Variants in UST observed in about 807,000 individuals in gnomAD.
UST encodes chondroitin sulfate 2-O-sulfotransferase.
Under a neutral mutation model 45.6 loss-of-function variants are expected in UST, and 21 were observed. That is an observed-to-expected ratio of 0.46 (90% CI 0.33 to 0.66). The LOEUF is 0.66. Ranked by LOEUF, UST falls within the 30% of genes least tolerant of loss-of-function variation. The probability of loss-of-function intolerance (pLI) is 0.02; values close to 1 mark genes in which losing one functional copy is unlikely to be tolerated. For missense variants in UST, 463 were observed against 512.4 expected, an observed-to-expected ratio of 0.90 and a Z score of 0.93; for synonymous variants, 215 against 200.6, an observed-to-expected ratio of 1.07 and a Z score of -0.61.
intron 7 of UST, among the ~76,000 whole-genome samples, chr6:149,026,636 C>G (rs955078422): frequency 3.3e-5 from 5 of 152,152 alleles, no homozygotes; most frequent in African/African-American, 4.8e-5. Flanking sequence ...CTCTATAAAC[C>G]CTTGACTTGG....
At chr6:148,879,935 T>TTTTTTC (rs1435670352) in intron 1 of UST, among the ~76,000 whole-genome samples, 2 of 108,294 alleles carry the variant, frequency 1.8e-5, no homozygotes, top group African/African-American at 8.1e-5. Flanking sequence ...CTGACTTTTC[T>TTTTTTC]TTTTTCTTTT....
At chr6:148,889,770 G>A (rs936058715) in intron 2 of UST, among the ~76,000 whole-genome samples, 3 of 152,092 alleles carry the variant, frequency 2.0e-5, no homozygotes, top group Non-Finnish European at 4.4e-5. Context: ...TGGCTGGGTT[G>A]TCTGTCCTGC....
chr6:148,858,675 G>A (rs539769823), intron 1 of UST, among the ~76,000 whole-genome samples: 6 of 152,100 alleles, frequency 3.9e-5, no homozygotes, highest in East Asian at 1.9e-4. Context: ...AGGCCCGGGC[G>A]TGTGATGTTC....
At position 148,875,506 on chromosome 6, in the gene UST, A is replaced by C. The variant is rs1778631037; in HGVS notation, c.248-11480A>C. ...TTTGTGAATAATAAATAGAATTATAAAACTAAATATAACTGGCTGGGTGCG... is the reference window on the plus strand; with the variant it reads ...TTTGTGAATAATAAATAGAATTATACAACTAAATATAACTGGCTGGGTGCG... On this transcript the variant is annotated intron_variant, in intron 1 of 7. Transcript: ENST00000367463. 2.0e-5 allele frequency among the ~76,000 whole-genome samples: 3 copies of C among 152,224 alleles called. No individual in the cohort carries two copies. In the South Asian group the frequency reaches 6.2e-4, roughly 31 times the overall value.
intron 1 of UST, among the ~76,000 whole-genome samples, chr6:148,850,328 G>A (rs542910140): frequency 2.6e-5 from 4 of 152,186 alleles, no homozygotes; most frequent in East Asian, 1.9e-4. Context: ...GCTACACCCC[G>A]TCTTGAAGAA....
intron 2 of UST, among the ~76,000 whole-genome samples, chr6:148,899,857 G>A (rs1329341199): frequency 6.6e-6 from 1 of 152,180 alleles, no homozygotes; most frequent in Non-Finnish European, 1.5e-5. Flanking sequence ...CTGTGCAAGA[G>A]AAGGATTTAG....
intron 5 of UST, among the ~76,000 whole-genome samples, chr6:148,995,559 T>C (rs1781438609): frequency 6.6e-6 from 1 of 152,262 alleles, no homozygotes; most frequent in Admixed American, 6.5e-5. Flanking sequence ...TACAGCAGGT[T>C]ATAAAATCTT....
chr6:148,884,682 G>A (rs528876909), intron 1 of UST, among the ~76,000 whole-genome samples: 1 of 152,202 alleles, frequency 6.6e-6, no homozygotes, highest in East Asian at 1.9e-4. Flanking sequence ...TTTAAGCAGA[G>A]GGCTACCATG....
chr6:148,879,589 A>G (rs1778785536), intron 1 of UST, among the ~76,000 whole-genome samples: 1 of 152,188 alleles, frequency 6.6e-6, no homozygotes, highest in Non-Finnish European at 1.5e-5. Context: ...AGGCGAGTAG[A>G]ATGTGCAGAG....
chr6:149,018,966 G>A (rs936332508), intron 5 of UST, among the ~76,000 whole-genome samples, 173 bp from the exon 6 acceptor site: 2 of 152,184 alleles, frequency 1.3e-5, no homozygotes, highest in Non-Finnish European at 2.9e-5. Flanking sequence ...CTGGCCAGTG[G>A]AGCAGGATGC....
chr6:148,903,072 A>G (rs1206580195), intron 2 of UST, among the ~76,000 whole-genome samples: 1 of 152,198 alleles, frequency 6.6e-6, no homozygotes, highest in Non-Finnish European at 1.5e-5. Context: ...CTGAAAAATT[A>G]CTGATATAAT....
At chr6:148,750,829 C>T (rs1775975504) in intron 1 of UST, among the ~76,000 whole-genome samples, 1 of 152,204 alleles carries the variant, frequency 6.6e-6, no homozygotes, top group South Asian at 2.1e-4. Context: ...ACTAGACCCT[C>T]CCTGAGCTGG....
At chr6:149,032,763 C>T (rs1776173946) in intron 7 of UST, among the ~76,000 whole-genome samples, 1 of 152,212 alleles carries the variant, frequency 6.6e-6, no homozygotes, top group Non-Finnish European at 1.5e-5. Context: ...ACCCCAGTTA[C>T]TCAGTGTGGT....
At chr6:149,061,492 CA>C (rs1302741135) in intron 7 of UST, among the ~76,000 whole-genome samples, 1 of 152,232 alleles carries the variant, frequency 6.6e-6, no homozygotes, top group African/African-American at 2.4e-5. Flanking sequence ...CCCAGTCTTG[CA>C]TGCAGACAGG....
At chr6:148,992,333 T>A (rs1274845001) in intron 5 of UST, among the ~76,000 whole-genome samples, 2 of 151,922 alleles carry the variant, frequency 1.3e-5, no homozygotes, top group East Asian at 3.9e-4. Flanking sequence ...TGAAACCCCG[T>A]CTCTACTAAA....
At chr6:149,067,555 G>A (rs1217085138) in intron 7 of UST, among the ~76,000 whole-genome samples, 1 of 152,094 alleles carries the variant, frequency 6.6e-6, no homozygotes, top group South Asian at 2.1e-4. Context: ...CAAACATAGG[G>A]CTGGGCCTCC....
Position 149,044,551 on chromosome 6 carries a change from C to T in UST, c.937+23070C>T, listed in dbSNP as rs144368468. Among the ~76,000 whole-genome samples the T allele has an allele frequency of 8.0e-4, 121 of 152,194 alleles. 1 individual carries two copies. Among genetic ancestry groups the T allele is most frequent in the African/African-American group, 2.8e-3 (118 of 41,528 alleles). On this transcript the variant is annotated intron_variant, in intron 7 of 7. Transcript: ENST00000367463. ...TACATTTTGCTTTTGAGGGGGATGACGGTCGGTGGGAATGTTATTCAGATA... is the reference window on the plus strand; with the variant it reads ...TACATTTTGCTTTTGAGGGGGATGATGGTCGGTGGGAATGTTATTCAGATA...
chr6:148,917,946 G>A (rs528322781), intron 2 of UST, among the ~76,000 whole-genome samples: 18 of 152,226 alleles, frequency 1.2e-4, no homozygotes, highest in Admixed American at 2.0e-4. Flanking sequence ...AAACTCTGTC[G>A]CTCTTGCTTG....
chr6:149,045,345 A>G (rs1776382311), intron 7 of UST, among the ~76,000 whole-genome samples: 1 of 152,206 alleles, frequency 6.6e-6, no homozygotes, highest in Admixed American at 6.5e-5. Context: ...TTAAGATGCA[A>G]TGCTACATAG....
Sources: allele counts gnomAD v4.1 joint callset (sites outside exome capture counted in the v4.1 genomes callset), GRCh38; gene constraint gnomAD v4.1.1; transcripts MANE v1.5; gene names NCBI Gene and HGNC (gene_info 2026-07-23, HGNC 2026-07-21).